MTSS1: variants seen among roughly 807,000 people sequenced by gnomAD.
MTSS1 encodes protein MTSS 1.
A neutral mutation model predicts 79.0 loss-of-function variants in MTSS1; 18 were observed. The ratio of observed to expected loss-of-function variants is 0.23; its 90% confidence interval spans 0.16 to 0.34. The LOEUF (loss-of-function observed/expected upper bound fraction) is 0.34, where lower values mean the gene tolerates loss of function less well. MTSS1 is among the 10% of genes least tolerant of loss of function. The probability of loss-of-function intolerance (pLI) is 1.00; values close to 1 mark genes in which losing one functional copy is unlikely to be tolerated. For synonymous variants in MTSS1, 341 were observed against 368.6 expected, an observed-to-expected ratio of 0.93 and a Z score of 0.86; for missense variants, 815 against 986.2, an observed-to-expected ratio of 0.83 and a Z score of 2.33.
At chr8:124,649,143 T>A (rs910308753) in intron 3 of MTSS1, among the ~76,000 whole-genome samples, 2 of 152,268 alleles carry the variant, frequency 1.3e-5, no homozygotes, top group Non-Finnish European at 2.9e-5. Context: ...CCACTGCCTG[T>A]TTCTGTAAGT....
chr8:124,574,013 G>C (rs560203358), intron 6 of MTSS1, among the ~76,000 whole-genome samples: 6 of 152,002 alleles, frequency 3.9e-5, no homozygotes, highest in African/African-American at 1.4e-4. Flanking sequence ...TTTTTTTTGA[G>C]ACAGAGTCTC....
chr8:124,671,058 T>G (rs1386664049), intron 3 of MTSS1, among the ~76,000 whole-genome samples: 1 of 151,980 alleles, frequency 6.6e-6, no homozygotes, highest in East Asian at 1.9e-4. Flanking sequence ...TTTCTTTTTT[T>G]CCTGAAAAGC....
intron 11 of MTSS1, among the ~76,000 whole-genome samples, chr8:124,557,393 T>G (rs914550783): frequency 6.6e-6 from 1 of 152,200 alleles, no homozygotes; most frequent in Non-Finnish European, 1.5e-5. Context: ...GACTTGGAAT[T>G]GCCGCTGCCT....
intron 3 of MTSS1, among the ~76,000 whole-genome samples, chr8:124,690,354 C>G (rs1827744148): frequency 6.6e-6 from 1 of 152,238 alleles, no homozygotes; most frequent in South Asian, 2.1e-4. Flanking sequence ...CTGAGCAGGA[C>G]AGACACACAT....
rs138460701 is a variant in MTSS1 at position 124,619,932 on chromosome 8, T to TTTTTCTTTTCTTTTC, written c.209-28712_209-28698dup. ...CAGTACAAAAATTACAGCACAACTG[T>TTTTTCTTTTCTTTTC]TTTTCTTTTCTTTTCTTTTCTTTTC... On this transcript the variant is annotated intron_variant, in intron 3 of 13. Coordinates refer to ENST00000518547, the MANE Select transcript of MTSS1 (RefSeq NM_014751.6). Among the ~76,000 whole-genome samples the TTTTTCTTTTCTTTTC allele has an allele frequency of 8.6e-3, 1,292 of 149,666 alleles. 32 individuals carry two copies. Among genetic ancestry groups the TTTTTCTTTTCTTTTC allele is most frequent in the African/African-American group, 0.028 (1,110 of 39,734 alleles).
intron 3 of MTSS1, among the ~76,000 whole-genome samples, chr8:124,669,354 C>T (rs905330588): frequency 3.9e-5 from 6 of 152,228 alleles, no homozygotes; most frequent in Non-Finnish European, 7.3e-5. Context: ...GTGAATAAAA[C>T]GTCCTTGGCT....
At chr8:124,620,851 G>A (rs866397943) in intron 3 of MTSS1, among the ~76,000 whole-genome samples, 5 of 152,284 alleles carry the variant, frequency 3.3e-5, no homozygotes, top group South Asian at 4.2e-4. Context: ...GAATTTCAAC[G>A]CCTCACTGAG....
At chr8:124,664,705 T>C (rs1302098922) in intron 3 of MTSS1, among the ~76,000 whole-genome samples, 2 of 152,210 alleles carry the variant, frequency 1.3e-5, no homozygotes, top group Middle Eastern at 3.2e-3. Context: ...ACTTGACTAG[T>C]AGCTTTTGCT....
intron 10 of MTSS1, 62 bp downstream of exon 10, chr8:124,562,720 C>T: frequency 1.3e-6 from 2 of 1,514,572 alleles, no homozygotes; most frequent in Non-Finnish European, 1.8e-6. Context: ...TTGGTTCTGG[C>T]CACTGACAGT....
In MTSS1 at chr8:124,553,643, C is replaced by T. The variant is rs772987287; in HGVS notation, c.1617G>A (p.Gln539=). ...FSVSGDQEAD[Q]QEFDKSSTIP... The stretch of plus-strand genomic sequence containing the variant: ...TGGTGGAGGACTTGTCGAACTCCTG[C>T]TGATCTGCCTCCTGGTCACCACTTA... Residue 539 remains glutamine, a synonymous_variant, in exon 14 of 14, where the codon CAG becomes CAA. Transcript: ENST00000518547. The surrounding 1 kb of genome is among the most constrained non-coding windows in gnomAD (Gnocchi z 6.0). The T allele has an allele frequency of 6.2e-7, 1 of 1,614,042 alleles. No homozygotes were observed. The highest frequency in any genetic ancestry group is 1.1e-5 in the South Asian group (1 of 91,054).
At chr8:124,646,996 C>A (rs996317279) in intron 3 of MTSS1, among the ~76,000 whole-genome samples, 1 of 152,126 alleles carries the variant, frequency 6.6e-6, no homozygotes, top group African/African-American at 2.4e-5. Context: ...CAGGCATGTG[C>A]CACCATACCC....
chr8:124,614,184 A>G (rs938588646), intron 3 of MTSS1, among the ~76,000 whole-genome samples: 34 of 142,734 alleles, frequency 2.4e-4, no homozygotes, highest in South Asian at 8.8e-4. Flanking sequence ...AAAAAAAAAA[A>G]GGGTAGGAAT....
intron 2 of MTSS1, among the ~76,000 whole-genome samples, chr8:124,702,144 T>C (rs1829789245): frequency 6.6e-6 from 1 of 152,212 alleles, no homozygotes; most frequent in Non-Finnish European, 1.5e-5. Context: ...GATAACAATT[T>C]TCTTGGTCTA....
intron 3 of MTSS1, among the ~76,000 whole-genome samples, chr8:124,616,644 T>G (rs1470900259): frequency 6.6e-6 from 1 of 152,200 alleles, no homozygotes; most frequent in Non-Finnish European, 1.5e-5. Context: ...AGGGATCCTT[T>G]GGACTCCCCC....
intron 3 of MTSS1, among the ~76,000 whole-genome samples, chr8:124,690,600 T>C (rs1827785106): frequency 6.6e-6 from 1 of 152,204 alleles, no homozygotes; most frequent in Non-Finnish European, 1.5e-5. Context: ...CAATTCTCTC[T>C]GGCAACTGCT....
intron 3 of MTSS1, among the ~76,000 whole-genome samples, chr8:124,636,577 T>G (rs922651146): frequency 3.3e-5 from 5 of 152,210 alleles, no homozygotes; most frequent in African/African-American, 1.2e-4. Context: ...CTGACAGCTG[T>G]GACAAATGTG....
chr8:124,572,663 A>G (rs1255050709), intron 6 of MTSS1, among the ~76,000 whole-genome samples: 1 of 151,886 alleles, frequency 6.6e-6, no homozygotes, highest in African/African-American at 2.4e-5. Context: ...AGATGCCAAC[A>G]GCCCCTAATG....
intron 3 of MTSS1, among the ~76,000 whole-genome samples, chr8:124,604,432 G>A (rs1011728647): frequency 6.6e-6 from 1 of 152,026 alleles, no homozygotes; most frequent in South Asian, 2.1e-4. Flanking sequence ...TGTGAAAATA[G>A]GTTCCTTAGG....
At chr8:124,645,337 T>C (rs1818814188) in intron 3 of MTSS1, among the ~76,000 whole-genome samples, 3 of 152,160 alleles carry the variant, frequency 2.0e-5, no homozygotes, top group Admixed American at 2.0e-4. Context: ...CAGTGAGCTA[T>C]GATTGCGCTA....
Sources: allele counts gnomAD v4.1 joint callset (sites outside exome capture counted in the v4.1 genomes callset), GRCh38; gene constraint gnomAD v4.1.1; non-coding constraint Gnocchi (gnomAD v3.1); transcripts MANE v1.5; gene names NCBI Gene and HGNC (gene_info 2026-07-23, HGNC 2026-07-21).